AVEN: variants seen among roughly 807,000 people sequenced by gnomAD.
AVEN encodes the protein cell death regulator Aven.
A neutral mutation model predicts 38.1 loss-of-function variants in AVEN; 41 were observed. The ratio of observed to expected loss-of-function variants is 1.08; its 90% CI spans 0.84 to 1.40. The LOEUF is 1.40. AVEN is among the 40% of genes most tolerant of loss of function. The probability of loss-of-function intolerance (pLI) is 0.00; values close to 1 mark genes in which losing one functional copy is unlikely to be tolerated. For missense variants in AVEN, 605 were observed against 438.8 expected, an observed-to-expected ratio of 1.38 and a Z score of -3.38; for synonymous variants, 206 against 171.8, an observed-to-expected ratio of 1.20 and a Z score of -1.56.
intron 2 of AVEN, among the ~76,000 whole-genome samples, chr15:33,989,007 C>T (rs765521201): frequency 1.3e-5 from 2 of 152,014 alleles, no homozygotes; most frequent in East Asian, 3.9e-4. Context: ...AATTATTAAA[C>T]CATTTCTCAG....
At chr15:34,048,199 C>T (rs895120695) in intron 5 of AVEN, among the ~76,000 whole-genome samples, 11 of 152,358 alleles carry the variant, frequency 7.2e-5, no homozygotes, top group South Asian at 2.1e-4. Context: ...AAGCAGGACC[C>T]GGATCCATTC....
intron 2 of AVEN, among the ~76,000 whole-genome samples, chr15:33,983,140 G>GTGTGTGTGTA (rs1555512724): frequency 1.9e-4 from 22 of 118,340 alleles, no homozygotes; most frequent in African/African-American, 9.5e-4. Context: ...GTGTGTGTGT[G>GTGTGTGTGTA]TGTGTGTGTG....
At chr15:34,036,104 G>GTT (rs34150464) in intron 1 of AVEN, among the ~76,000 whole-genome samples, 4 of 148,944 alleles carry the variant, frequency 2.7e-5, no homozygotes, top group Non-Finnish European at 4.5e-5. Flanking sequence ...CCAGTTTTGT[G>GTT]TTTTTTTTTT....
chr15:34,052,833 A>C (rs565467337), intron 5 of AVEN, among the ~76,000 whole-genome samples: 1 of 152,304 alleles, frequency 6.6e-6, no homozygotes, highest in Non-Finnish European at 1.5e-5. Flanking sequence ...CCAATGCTCA[A>C]TGAAATCAGA....
At chr15:34,045,578 T>C (rs896070330) in intron 5 of AVEN, among the ~76,000 whole-genome samples, 7 of 152,092 alleles carry the variant, frequency 4.6e-5, no homozygotes, top group African/African-American at 1.4e-4. Flanking sequence ...TACATAACAA[T>C]ATGAGCTGGT....
At chr15:34,009,851 T>C (rs911808507) in intron 1 of AVEN, among the ~76,000 whole-genome samples, 2 of 152,074 alleles carry the variant, frequency 1.3e-5, no homozygotes, top group Non-Finnish European at 2.9e-5. Flanking sequence ...TAGCTGAGCA[T>C]GGTGGCATGA....
intron 3 of AVEN, among the ~76,000 whole-genome samples, chr15:33,874,995 T>G (rs953970481): frequency 1.3e-5 from 2 of 152,232 alleles, no homozygotes; most frequent in African/African-American, 4.8e-5. Context: ...CCTTTTTCTA[T>G]GGCATATATA....
chr15:33,951,179 C>T (rs1373981324), intron 2 of AVEN, among the ~76,000 whole-genome samples: 1 of 152,110 alleles, frequency 6.6e-6, no homozygotes, highest in Non-Finnish European at 1.5e-5. Flanking sequence ...TGTAGCATTC[C>T]TATGCGCAGC....
intron 5 of AVEN, among the ~76,000 whole-genome samples, chr15:34,045,495 C>T (rs1006588648): frequency 1.3e-5 from 2 of 152,150 alleles, no homozygotes. Context: ...CACAGTGGTA[C>T]CCCATGTGCT....
downstream of AVEN, among the ~76,000 whole-genome samples, chr15:33,863,454 C>G (rs1477053187): frequency 6.6e-6 from 1 of 152,148 alleles, no homozygotes; most frequent in African/African-American, 2.4e-5. Context: ...TCTACTTTCT[C>G]ATATCACCAA....
chr15:33,880,605 A>G (rs1357104395), intron 2 of AVEN, among the ~76,000 whole-genome samples: 1 of 152,236 alleles, frequency 6.6e-6, no homozygotes, highest in African/African-American at 2.4e-5. Flanking sequence ...GCCTACAAGC[A>G]AAAGTAAATC....
chr15:33,917,533 A>C (rs1400055908), intron 2 of AVEN, among the ~76,000 whole-genome samples: 1 of 145,694 alleles, frequency 6.9e-6, no homozygotes, highest in Non-Finnish European at 1.5e-5. Flanking sequence ...GTGTATATAT[A>C]TATATATATC....
downstream of AVEN, among the ~76,000 whole-genome samples, chr15:33,854,187 CT>C (rs2079397108): frequency 1.3e-5 from 1 of 77,118 alleles, no homozygotes; most frequent in Admixed American, 1.7e-4. Context: ...TAGAGTGAGA[CT>C]CCGTTTCAAA....
chr15:33,892,726 C>A (rs1175372002), intron 2 of AVEN, among the ~76,000 whole-genome samples: 1 of 62,422 alleles, frequency 1.6e-5, no homozygotes, highest in South Asian at 8.1e-4. Context: ...TCCATATGAA[C>A]TTTAAAGTAG....
At chr15:33,984,457 C>G (rs1277512748) in intron 2 of AVEN, among the ~76,000 whole-genome samples, 2 of 151,560 alleles carry the variant, frequency 1.3e-5, no homozygotes, top group African/African-American at 4.8e-5. Flanking sequence ...GGCTGGAGTG[C>G]AATGGCATGA....
chr15:33,913,078 G>A (rs1469470166), intron 2 of AVEN, among the ~76,000 whole-genome samples: 1 of 151,944 alleles, frequency 6.6e-6, no homozygotes, highest in South Asian at 2.1e-4. Flanking sequence ...TCGTAGAGAT[G>A]GGGTTTCTCC....
At chr15:33,875,023 T>C (rs141718853) in intron 3 of AVEN, among the ~76,000 whole-genome samples, 6 of 152,334 alleles carry the variant, frequency 3.9e-5, no homozygotes, top group Admixed American at 3.9e-4. Context: ...CTTTGTAAAG[T>C]GCCAGGCAGT....
chr15:33,871,282 C>A (rs1490058350), intron 3 of AVEN, among the ~76,000 whole-genome samples: 1 of 152,020 alleles, frequency 6.6e-6, no homozygotes, highest in East Asian at 1.9e-4. Context: ...TCAAGACTGT[C>A]CAGGCTGGGC....
At chr15:33,933,514 CACACACACACAGAGAGAGAGAG>C (rs1893933358) in intron 2 of AVEN, among the ~76,000 whole-genome samples, 2 of 120,642 alleles carry the variant, frequency 1.7e-5, no homozygotes, top group Admixed American at 8.8e-5. Context: ...CACACACACA[CACACACACACAGAGAGAGAGAG>C]AGAGAGAGAG....
Sources: allele counts gnomAD v4.1 joint callset (sites outside exome capture counted in the v4.1 genomes callset), GRCh38; gene constraint gnomAD v4.1.1; transcripts MANE v1.5; gene names NCBI Gene and HGNC (gene_info 2026-07-23, HGNC 2026-07-21).